TAOK1: variants seen among roughly 807,000 people sequenced by gnomAD.
TAOK1 encodes the protein TAO kinase 1.
In TAOK1, 21 loss-of-function variants were observed where a neutral mutation model predicts 138.3. That is an observed-to-expected ratio of 0.15 (90% CI 0.11 to 0.22). The LOEUF is 0.22. TAOK1 is among the 10% of genes least tolerant of loss of function. The pLI, the probability that TAOK1 is intolerant of heterozygous loss-of-function variation, is 1.00. For missense variants in TAOK1, 651 were observed against 1,227.7 expected, an observed-to-expected ratio of 0.53 and a Z score of 7.02; for synonymous variants, 361 against 398.4, an observed-to-expected ratio of 0.91 and a Z score of 1.12.
At chr17:29,429,300 TTTTC>T (rs201186249) in intron 1 of TAOK1, among the ~76,000 whole-genome samples, 1 of 152,036 alleles carries the variant, frequency 6.6e-6, no homozygotes, top group East Asian at 1.9e-4. Context: ...TTTTTTTTTC[TTTTC>T]TTTGTTTTTT....
chr17:29,472,310 T>C (rs1198947801), intron 3 of TAOK1, among the ~76,000 whole-genome samples: 2 of 148,022 alleles, frequency 1.4e-5, no homozygotes, highest in African/African-American at 2.5e-5. Context: ...TGGAGTGCAA[T>C]GGCATGATCT....
At chr17:29,469,399 G>A (rs903072506) in intron 3 of TAOK1, among the ~76,000 whole-genome samples, 1 of 151,970 alleles carries the variant, frequency 6.6e-6, no homozygotes, top group Non-Finnish European at 1.5e-5. Flanking sequence ...TTCACGTTGT[G>A]CAACCATTAT....
chr17:29,434,400 A>G (rs1282831904), intron 1 of TAOK1, among the ~76,000 whole-genome samples: 1 of 152,120 alleles, frequency 6.6e-6, no homozygotes, highest in Non-Finnish European at 1.5e-5. Context: ...CAGATTGAAG[A>G]TGAATGGCTA....
intron 1 of TAOK1, among the ~76,000 whole-genome samples, chr17:29,399,618 T>C (rs12951130): frequency 0.16 from 24,382 of 152,192 alleles, 2,073 homozygotes; most frequent in Admixed American, 0.21. Flanking sequence ...CCTGGTGATA[T>C]TGGATTTATA....
At position 29,518,752 on chromosome 17, in the gene TAOK1, T is replaced by TTTATTTTATTTATTTATTTA. The variant is rs1555567087; in HGVS notation, c.1908+1097_1908+1098insTATTTTATTTATTTATTTAT. Among the ~76,000 whole-genome samples, 3 of 135,590 alleles carry TTTATTTTATTTATTTATTTA rather than the reference T, an allele frequency of 2.2e-5. No individual in the cohort carries two copies. The South Asian group carries it at 6.7e-4, about 30-fold the overall frequency. The allele number at this position is 135,590 out of a possible 152,430, so 89.0% of individuals were successfully genotyped here. A position where few individuals can be genotyped will look rare whatever the true frequency, so the allele number is the denominator to read the frequency against. The stretch of plus-strand genomic sequence containing the variant: ...TTGATTTTTATTTTTTATTTTTACT[T>TTTATTTTATTTATTTATTTA]TATCTATTTATTTATTTATTTATTT... On this transcript the variant is annotated intron_variant, in intron 16 of 19. Coordinates refer to ENST00000261716, the MANE Select transcript of TAOK1 (RefSeq NM_020791.4).
At chr17:29,441,633 G>A (rs770285934) in intron 1 of TAOK1, among the ~76,000 whole-genome samples, 29 of 152,110 alleles carry the variant, frequency 1.9e-4, no homozygotes, top group Non-Finnish European at 3.7e-4. Flanking sequence ...CAGACACGGT[G>A]GCTCACACCT....
At chr17:29,409,079 T>C (rs1251707208) in intron 1 of TAOK1, among the ~76,000 whole-genome samples, 2 of 152,080 alleles carry the variant, frequency 1.3e-5, no homozygotes, top group Non-Finnish European at 2.9e-5. Context: ...AATGGAATTA[T>C]ACAGTATGAA....
chr17:29,482,934 C>G (rs545164621), intron 8 of TAOK1, among the ~76,000 whole-genome samples: 1 of 152,126 alleles, frequency 6.6e-6, no homozygotes, highest in South Asian at 2.1e-4. Flanking sequence ...AAAGAGTGGA[C>G]CATCATAACT....
chr17:29,523,397 T>C (rs537733747), intron 17 of TAOK1, among the ~76,000 whole-genome samples: 172 of 152,288 alleles, frequency 1.1e-3, no homozygotes, highest in African/African-American at 4.0e-3. Flanking sequence ...TGTTTGTTTG[T>C]TTGTTTTTGA....
At chr17:29,493,148 A>AG (rs1213576494) in intron 10 of TAOK1, among the ~76,000 whole-genome samples, 1 of 151,924 alleles carries the variant, frequency 6.6e-6, no homozygotes, top group African/African-American at 2.4e-5. Context: ...TCCAAAAAAA[A>AG]GAAAGAAAGA....
chr17:29,551,411 TGTG>T lies in TAOK1; in HGVS notation c.*8392_*8394del, dbSNP rs960398461. On this transcript the variant is annotated 3_prime_UTR_variant, in exon 20 of 20. Coordinates refer to ENST00000261716, the MANE Select transcript of TAOK1 (RefSeq NM_020791.4). ...GGGTTTTCATAGTGGACAAAGAACT[TGTG>T]GTCTTTTAAAACTGGGACTGATACT... The T allele has an allele frequency of 6.6e-6, 1 of 152,194 alleles. No individual in the cohort carries two copies. The highest frequency in any genetic ancestry group is 1.5e-5 in the Non-Finnish European group (1 of 68,010). The allele number at this position is 152,194 out of a possible 1,614,324, so 9.4% of individuals were successfully genotyped here. A position where few individuals can be genotyped will look rare whatever the true frequency, so the allele number is the denominator to read the frequency against.
chr17:29,541,938 G>A (rs1342751841), intron 19 of TAOK1, among the ~76,000 whole-genome samples: 2 of 151,466 alleles, frequency 1.3e-5, no homozygotes, highest in South Asian at 2.1e-4. Flanking sequence ...GCAGTGGCAC[G>A]ATCTCGGCTC....
At chr17:29,481,315 T>C (rs2031058246) in intron 7 of TAOK1, among the ~76,000 whole-genome samples, 1 of 151,712 alleles carries the variant, frequency 6.6e-6, no homozygotes, top group African/African-American at 2.4e-5. Flanking sequence ...TGCCTCAGCC[T>C]CCTGAGTAGC....
chr17:29,479,512 TACCC>T (rs2031014937), intron 6 of TAOK1, among the ~76,000 whole-genome samples: 1 of 152,130 alleles, frequency 6.6e-6, no homozygotes, highest in Admixed American at 6.6e-5. Flanking sequence ...ATCTGAGAGA[TACCC>T]ACAAGCTAGT....
intron 2 of TAOK1, among the ~76,000 whole-genome samples, chr17:29,465,597 A>G (rs79081304): frequency 1.1e-3 from 162 of 152,220 alleles, no homozygotes; most frequent in African/African-American, 3.8e-3. Flanking sequence ...TAGTAGATAC[A>G]AGTTTTGTAG....
At chr17:29,477,757 A>G (rs74586320) in intron 5 of TAOK1, 51 bp downstream of exon 5, 224 of 1,144,806 alleles carry the variant, frequency 2.0e-4, no homozygotes, top group Non-Finnish European at 2.6e-4. Flanking sequence ...ATAAAATGAT[A>G]ATTTAGACAT....
Position 29,460,474 on chromosome 17 carries a change from G to A in TAOK1, c.133-6671G>A, listed in dbSNP as rs535257088. 7.9e-5 allele frequency among the ~76,000 whole-genome samples: 12 copies of A among 152,324 alleles called. No homozygotes were observed. The South Asian group carries it at 2.5e-3, about 32-fold the overall frequency. ...CAAAGTTCTGGGATTACAGGCATGA[G>A]CCACCACACCCGGCCTGTCAGTAGT... On this transcript the variant is annotated intron_variant, in intron 2 of 19. Transcript: ENST00000261716.
At chr17:29,492,845 T>G (rs907098244) in intron 10 of TAOK1, among the ~76,000 whole-genome samples, 2 of 147,470 alleles carry the variant, frequency 1.4e-5, no homozygotes, top group Non-Finnish European at 3.0e-5. Flanking sequence ...GATGAAACAA[T>G]ATGGTAAATA....
At chr17:29,527,063 T>C (rs1598523096) in intron 17 of TAOK1, among the ~76,000 whole-genome samples, 1 of 151,218 alleles carries the variant, frequency 6.6e-6, no homozygotes, top group Non-Finnish European at 1.5e-5. Flanking sequence ...GAGTCGGAGG[T>C]TGCAGTGAGC....
Sources: gnomAD v4.1 joint callset for allele counts (sites outside exome capture counted in the v4.1 genomes callset) on GRCh38, gnomAD v4.1.1 for gene constraint, MANE v1.5 for transcripts, NCBI Gene and HGNC (gene_info 2026-07-23, HGNC 2026-07-21) for gene names.